Variants in NAALADL2 observed in about 807,000 individuals in gnomAD.
NAALADL2 encodes inactive N-acetylated-alpha-linked acidic dipeptidase-like protein 2.
A neutral mutation model predicts 87.2 loss-of-function variants in NAALADL2; 76 were observed. The observed-to-expected ratio is 0.87, with a 90% CI of 0.72 to 1.05. The LOEUF is 1.05. NAALADL2 is among the 50% of genes least tolerant of loss of function. The pLI is 0.00. For missense variants in NAALADL2, 1,089 were observed against 945.8 expected, an observed-to-expected ratio of 1.15 and a Z score of -1.99; for synonymous variants, 354 against 331.0, an observed-to-expected ratio of 1.07 and a Z score of -0.75.
chr3:175,467,448 A>G (rs547196031), intron 8 of NAALADL2, among the ~76,000 whole-genome samples: 2 of 152,206 alleles, frequency 1.3e-5, no homozygotes, highest in South Asian at 2.1e-4. Flanking sequence ...TGTTTACCTT[A>G]TTATTGTATT....
chr3:175,728,101 A>G (rs764589790), intron 11 of NAALADL2, among the ~76,000 whole-genome samples: 2 of 152,192 alleles, frequency 1.3e-5, no homozygotes, highest in African/African-American at 2.4e-5. Context: ...TTGTCAAATT[A>G]TAGTTGAATA....
intron 11 of NAALADL2, among the ~76,000 whole-genome samples, chr3:175,637,774 C>T (rs1354400723): frequency 2.0e-5 from 3 of 152,188 alleles, no homozygotes; most frequent in East Asian, 3.9e-4. Context: ...TATAAATTAC[C>T]CAGACTCCAG....
At chr3:175,450,529 G>T (rs894345195) in intron 6 of NAALADL2, among the ~76,000 whole-genome samples, 1 of 152,028 alleles carries the variant, frequency 6.6e-6, no homozygotes, top group Non-Finnish European at 1.5e-5. Context: ...AAATGTAATA[G>T]AATTTTTCTA....
intron 2 of NAALADL2, among the ~76,000 whole-genome samples, chr3:175,190,230 A>G (rs1380116807): frequency 6.6e-6 from 1 of 152,112 alleles, no homozygotes; most frequent in Admixed American, 6.6e-5. Flanking sequence ...AAGTAAAACT[A>G]ATCTGTGTAT....
At chr3:174,672,184 T>C (rs1726615276) in intron 2 of NAALADL2, among the ~76,000 whole-genome samples, 1 of 152,132 alleles carries the variant, frequency 6.6e-6, no homozygotes, top group Non-Finnish European at 1.5e-5. Flanking sequence ...TTACTTTTTT[T>C]CTTTCCCACA....
At chr3:175,444,772 A>G (rs529600445) in intron 5 of NAALADL2, among the ~76,000 whole-genome samples, 21 of 152,318 alleles carry the variant, frequency 1.4e-4, no homozygotes, top group African/African-American at 5.1e-4. Context: ...TGTTATCTAT[A>G]TAAGGGAGCA....
rs996057926 is a variant in NAALADL2, at chr3:174,509,373, A to C, written c.-183-41196A>C. ...TCTCATAGTGGGTGGAGAGAGAGAG[A>C]GAGCGAGCTCTGGTGTCTCTTCCTT... On this transcript the variant is annotated intron_variant, in intron 1 of 3. Coordinates refer to the NAALADL2 transcript ENST00000434257. Among the ~76,000 whole-genome samples, 115 of 150,166 alleles carry C rather than the reference A, an allele frequency of 7.7e-4. 1 individual carries two copies. In the East Asian group the frequency reaches 0.011, roughly 14 times the overall value.
At chr3:175,489,454 G>A (rs1421214875) in intron 9 of NAALADL2, among the ~76,000 whole-genome samples, 12 of 152,092 alleles carry the variant, frequency 7.9e-5, no homozygotes, top group Non-Finnish European at 1.8e-4. Flanking sequence ...AAACAAATAA[G>A]GCAGATGTTT....
chr3:174,563,578 G>A (rs530691714), intron 2 of NAALADL2, among the ~76,000 whole-genome samples: 1 of 150,696 alleles, frequency 6.6e-6, no homozygotes, highest in African/African-American at 2.4e-5. Context: ...CTAAGTTAAT[G>A]ATGTTTTACA....
At chr3:174,455,638 A>T (rs774369706) in intron 1 of NAALADL2, among the ~76,000 whole-genome samples, 1 of 152,212 alleles carries the variant, frequency 6.6e-6, no homozygotes, top group Non-Finnish European at 1.5e-5. Flanking sequence ...TCATCTCAAT[A>T]GATTCAGAAA....
intron 10 of NAALADL2, among the ~76,000 whole-genome samples, chr3:175,613,491 T>C (rs1263649538): frequency 6.6e-6 from 1 of 152,242 alleles, no homozygotes; most frequent in Non-Finnish European, 1.5e-5. Flanking sequence ...TGAACATACA[T>C]TTTATTTTTT....
At chr3:174,759,582 A>G (rs1424991044) in intron 3 of NAALADL2, among the ~76,000 whole-genome samples, 1 of 152,224 alleles carries the variant, frequency 6.6e-6, no homozygotes, top group Non-Finnish European at 1.5e-5. Context: ...ATTGAAGATT[A>G]GTTTTCAATT....
In NAALADL2 at chr3:175,232,353, G is replaced by T. The variant is rs910068257; in HGVS notation, c.546-1578G>T. 6.6e-5 allele frequency among the ~76,000 whole-genome samples: 10 copies of T among 152,126 alleles called. 1 individual carries two copies. Among genetic ancestry groups the T allele is most frequent in the African/African-American group, 1.9e-4 (8 of 41,444 alleles). On this transcript the variant is annotated intron_variant, in intron 2 of 13. Coordinates refer to ENST00000454872, the MANE Select transcript of NAALADL2 (RefSeq NM_207015.3). ...AACTGTTTTTATTGCATCTTCCTGT[G>T]TAGGCCACCTTGTAAGCTGTGGCCT... is the stretch of plus-strand genomic sequence containing the variant.
intron 1 of NAALADL2, among the ~76,000 whole-genome samples, chr3:174,891,320 C>T (rs1156657513): frequency 3.3e-5 from 5 of 152,068 alleles, no homozygotes; most frequent in Non-Finnish European, 7.4e-5. Flanking sequence ...ACTATCTACA[C>T]AGAGAAACAC....
intron 11 of NAALADL2, among the ~76,000 whole-genome samples, chr3:175,636,933 G>C (rs1728645356): frequency 6.6e-6 from 1 of 152,066 alleles, no homozygotes; most frequent in African/African-American, 2.4e-5. Flanking sequence ...AGAAACATTT[G>C]AATGCATGCC....
At chr3:174,841,934 A>G (rs574352492) in intron 3 of NAALADL2, among the ~76,000 whole-genome samples, 1 of 152,254 alleles carries the variant, frequency 6.6e-6, no homozygotes, top group African/African-American at 2.4e-5. Flanking sequence ...AATTTGTTAA[A>G]CAATTAATCG....
intron 13 of NAALADL2, among the ~76,000 whole-genome samples, chr3:175,767,155 G>A (rs976498447): frequency 2.0e-5 from 3 of 152,048 alleles, no homozygotes; most frequent in African/African-American, 7.2e-5. Context: ...ACACTTGAGT[G>A]TGCTGCTTAA....
chr3:174,861,630 A>G (rs1452344364), intron 1 of NAALADL2, among the ~76,000 whole-genome samples: 7 of 152,054 alleles, frequency 4.6e-5, no homozygotes. Flanking sequence ...TGAGGATAAT[A>G]TATTATGTAG....
At chr3:174,534,804 C>T (rs1055912051) in intron 1 of NAALADL2, among the ~76,000 whole-genome samples, 7 of 152,016 alleles carry the variant, frequency 4.6e-5, no homozygotes, top group African/African-American at 9.7e-5. Context: ...GAAGGTGAAT[C>T]GGTCTTGTAA....
Sources: allele counts gnomAD v4.1 joint callset (sites outside exome capture counted in the v4.1 genomes callset), GRCh38; gene constraint gnomAD v4.1.1; transcripts MANE v1.5; gene names NCBI Gene and HGNC (gene_info 2026-07-23, HGNC 2026-07-21).